The following ASXL3 variants were observed in gnomAD, a reference collection of about 807,000 sequenced individuals.
ASXL3 encodes ASXL transcriptional regulator 3.
ASXL3 carries 34 observed loss-of-function variants against 170.6 expected under a neutral mutation model. That is an observed-to-expected ratio of 0.20 (90% CI 0.15 to 0.27). ASXL3 has a LOEUF of 0.27. Ranked by LOEUF, ASXL3 falls within the 10% of genes least tolerant of loss-of-function variation. ASXL3 has a pLI of 1.00. For missense variants in ASXL3, 2,592 were observed against 2,695.3 expected (o/e 0.96, Z 0.85); for synonymous variants, 1,002 against 989.1 (o/e 1.01, Z -0.24).
chr18:33,651,544 T>C (rs1050954619), intron 4 of ASXL3, among the ~76,000 whole-genome samples: 1 of 152,082 alleles, frequency 6.6e-6, no homozygotes, highest in Non-Finnish European at 1.5e-5. Flanking sequence ...TCCTTTGGGA[T>C]GAAAGACTGG....
chr18:33,597,314 CTATG>C (rs2065137097), intron 1 of ASXL3, among the ~76,000 whole-genome samples: 1 of 152,040 alleles, frequency 6.6e-6, no homozygotes, highest in Non-Finnish European at 1.5e-5. Context: ...TGCGTCCTCT[CTATG>C]TATTGTTCTT....
rs150834687 is a variant in ASXL3 at position 33,710,369 on chromosome 18, C to G, written c.880-21599C>G. Among the ~76,000 whole-genome samples, 1,013 of 152,302 alleles carry G rather than the reference C, an allele frequency of 6.7e-3. 11 individuals are homozygous for G. Among genetic ancestry groups the G allele is most frequent in the African/African-American group, 0.023 (952 of 41,566 alleles). Reference sequence around the variant, plus strand: ...CACTTCACTAAGGCTAGCTAGGAAACTGTTATTGGCAATCGTTTTAGTGTA... The same window carrying G: ...CACTTCACTAAGGCTAGCTAGGAAAGTGTTATTGGCAATCGTTTTAGTGTA... On this transcript the variant is annotated intron_variant, in intron 8 of 11. Transcript: ENST00000269197.
intron 2 of ASXL3, among the ~76,000 whole-genome samples, chr18:33,620,190 T>C (rs1232003788): frequency 1.3e-5 from 2 of 152,164 alleles, no homozygotes; most frequent in Non-Finnish European, 2.9e-5. Flanking sequence ...ACTGTGGCTA[T>C]CTTAAATTCA....
chr18:33,684,533 GTGA>G (rs762553261), intron 8 of ASXL3, among the ~76,000 whole-genome samples: 93 of 152,136 alleles, frequency 6.1e-4, no homozygotes, highest in Non-Finnish European at 1.2e-3. Context: ...CTCTTTGGTG[GTGA>G]TTATTGTTCA....
intron 2 of ASXL3, among the ~76,000 whole-genome samples, chr18:33,612,272 T>G (rs1177686320): frequency 6.6e-6 from 1 of 152,060 alleles, no homozygotes; most frequent in Admixed American, 6.6e-5. Context: ...AGGTACATTT[T>G]AACAATATTA....
Position 33,704,650 on chromosome 18 carries a change from C to G in ASXL3, c.879+21082C>G, listed in dbSNP as rs117834414. Among the ~76,000 whole-genome samples, 88 of 152,046 alleles carry G rather than the reference C, an allele frequency of 5.8e-4. No individual in the cohort carries two copies. In the East Asian group the frequency reaches 0.017, roughly 29 times the overall value. ...CAGTATTTTAAAACACAAGCATTGC[C>G]ATTGATAATGTGTGAAGTCAAAGAT... On this transcript the variant is annotated intron_variant, in intron 8 of 11. Transcript: ENST00000269197.
chr18:33,732,407 G>A (rs960050098), intron 9 of ASXL3, among the ~76,000 whole-genome samples: 7 of 152,214 alleles, frequency 4.6e-5, no homozygotes, highest in East Asian at 1.9e-4. Flanking sequence ...GCTCTCTTCC[G>A]CGGAAGTTAC....
At chr18:33,674,298 G>C (rs2066391685) in intron 7 of ASXL3, among the ~76,000 whole-genome samples, 1 of 152,172 alleles carries the variant, frequency 6.6e-6, no homozygotes, top group South Asian at 2.1e-4. Context: ...TTAAAGTGCA[G>C]GTCTAACTAC....
rs550886141 is a variant in ASXL3, at chr18:33,580,462, C to G, written c.54+1777C>G. On this transcript the variant is annotated intron_variant, in intron 1 of 11. Coordinates refer to ENST00000269197, the MANE Select transcript of ASXL3 (RefSeq NM_030632.3). The stretch of plus-strand genomic sequence containing the variant: ...AGAGAGCTTTAGTGTATATTTTAAG[C>G]AAGTGAACAATGAGTTGATTTATAA... Among the ~76,000 whole-genome samples the G allele has an allele frequency of 2.0e-5, 3 of 152,164 alleles. No individual in the cohort carries two copies. The South Asian group carries it at 6.2e-4, about 32-fold the overall frequency.
chr18:33,716,339 C>T (rs1030685591), intron 8 of ASXL3, among the ~76,000 whole-genome samples: 1 of 152,158 alleles, frequency 6.6e-6, no homozygotes, highest in Non-Finnish European at 1.5e-5. Context: ...TCCCAGAGCT[C>T]TGCAGTGAAG....
chr18:33,709,633 C>T (rs1206928347), intron 8 of ASXL3, among the ~76,000 whole-genome samples: 1 of 152,180 alleles, frequency 6.6e-6, no homozygotes, highest in Non-Finnish European at 1.5e-5. Context: ...GGAGGGAGCA[C>T]TTCCAAGTGC....
chr18:33,736,636 ATATT>A (rs1272025059), intron 10 of ASXL3, among the ~76,000 whole-genome samples: 1 of 152,064 alleles, frequency 6.6e-6, no homozygotes, highest in Non-Finnish European at 1.5e-5. Flanking sequence ...ATTTTTTTAG[ATATT>A]TATTATGATT....
rs745588493 is a variant in ASXL3, at chr18:33,738,708, C to A, written c.1304C>A (p.Ala435Glu). ...MVEIPPKDIM[A>E]ELESEDILIP... is the part of the protein sequence containing the mutation. ...GAAATTCCACCTAAAGATATAATGGCAGAATTGGAGTCAGAGGATATCTTG... is the reference window on the plus strand; with the variant it reads ...GAAATTCCACCTAAAGATATAATGGAAGAATTGGAGTCAGAGGATATCTTG... Residue 435 changes from alanine (A) to glutamate (E), a missense_variant, in exon 11 of 12, where the codon GCA becomes GAA. Transcript: ENST00000269197. 1 of 1,613,906 alleles carries A rather than the reference C, an allele frequency of 6.2e-7. No individual in the cohort carries two copies. The highest frequency in any genetic ancestry group is 2.2e-5 in the East Asian group (1 of 44,862).
intron 2 of ASXL3, among the ~76,000 whole-genome samples, chr18:33,639,379 C>T (rs976252420): frequency 2.6e-5 from 4 of 152,016 alleles, no homozygotes; most frequent in South Asian, 2.1e-4. Context: ...CCTCGTTGTT[C>T]GCCACCGCCC....
intron 8 of ASXL3, among the ~76,000 whole-genome samples, chr18:33,730,958 G>C (rs1262875162): frequency 6.6e-6 from 1 of 152,084 alleles, no homozygotes; most frequent in African/African-American, 2.4e-5. Context: ...CGAATCTGTG[G>C]CCTCCCTATA....
Position 33,743,523 on chromosome 18 carries a change from C to T in ASXL3, c.3675C>T (p.Ser1225=). 6.2e-7 allele frequency: 1 copy of T among 1,613,380 alleles called. No homozygotes were observed. Among genetic ancestry groups the T allele is most frequent in the East Asian group, 2.2e-5 (1 of 44,878 alleles). The change falls in exon 12 of 12, where the codon AGC becomes AGT. Residue 1225 remains serine, a synonymous_variant. Coordinates refer to ENST00000269197, the MANE Select transcript of ASXL3 (RefSeq NM_030632.3). ...KIVSSTSSEN[S]SVPMLFNKNS... is the part of the protein sequence containing the mutation. ...TTTCATCTACCTCTTCTGAAAATAG[C>T]AGTGTGCCCATGCTTTTTAATAAAA...
chr18:33,717,488 GC>G (rs1321671357), intron 8 of ASXL3, among the ~76,000 whole-genome samples: 2 of 152,062 alleles, frequency 1.3e-5, no homozygotes, highest in Non-Finnish European at 2.9e-5. Context: ...TTGCAAGTAT[GC>G]TTACTTCCTC....
chr18:33,692,891 C>T (rs1190066873), intron 8 of ASXL3, among the ~76,000 whole-genome samples: 8 of 152,078 alleles, frequency 5.3e-5, no homozygotes, highest in African/African-American at 1.4e-4. Context: ...TTCTGCAGCC[C>T]GGGTGGCTTA....
chr18:33,637,881 T>C (rs921950245), intron 2 of ASXL3, among the ~76,000 whole-genome samples: 4 of 152,184 alleles, frequency 2.6e-5, no homozygotes, highest in African/African-American at 9.6e-5. Context: ...GCCTTTCTGC[T>C]GAGTCCCCTG....
Sources: gnomAD v4.1 joint callset for allele counts (sites outside exome capture counted in the v4.1 genomes callset) on GRCh38, gnomAD v4.1.1 for gene constraint, MANE v1.5 for transcripts, NCBI Gene and HGNC (gene_info 2026-07-23, HGNC 2026-07-21) for gene names.